The following DLGAP2 variants were observed in gnomAD, a reference collection of about 807,000 sequenced individuals.
The protein encoded by DLGAP2 is disks large-associated protein 2.
DLGAP2 carries 26 observed loss-of-function variants against 100.3 expected under a neutral mutation model. That is an observed-to-expected ratio of 0.26 (90% confidence interval 0.19 to 0.36). The LOEUF is 0.36. DLGAP2 is among the 10% of genes least tolerant of loss of function. DLGAP2 has a pLI of 1.00. For synonymous variants in DLGAP2, 886 were observed against 630.1 expected (o/e 1.41, Z -6.08); for missense variants, 1,858 against 1,453.2 (o/e 1.28, Z -4.53).
chr8:1,254,951 T>C lies in DLGAP2; in HGVS notation c.74-3900T>C, dbSNP rs930825995. ...TGTGTGCCCTCTCCTGCCCGGGTGC[T>C]GTGTGTGTGTCCTCTCATCCTGTCC... On this transcript the variant is annotated intron_variant, in intron 2 of 14. Coordinates refer to ENST00000637795, the MANE Select transcript of DLGAP2 (RefSeq NM_001346810.2). 1.9e-3 allele frequency among the ~76,000 whole-genome samples: 278 copies of C among 142,978 alleles called. 6 individuals carry two copies. Among genetic ancestry groups the C allele is most frequent in the Middle Eastern group, 7.0e-3 (2 of 284 alleles). The allele number at this position is 142,978 out of a possible 152,430, so 93.8% of individuals were successfully genotyped here.
chr8:1,541,191 C>G (rs1440193082), intron 4 of DLGAP2, among the ~76,000 whole-genome samples: 3 of 152,238 alleles, frequency 2.0e-5, no homozygotes, highest in African/African-American at 7.2e-5. Flanking sequence ...CACTGAGCCC[C>G]TAATGCACAC....
At chr8:1,547,417 G>T (rs10112065) in intron 4 of DLGAP2, among the ~76,000 whole-genome samples, 69,358 of 151,146 alleles carry the variant, frequency 0.46, 16,027 homozygotes, top group East Asian at 0.57. Context: ...TGGAGGCAGG[G>T]GGAGAGGGAG....
At chr8:1,263,680 TA>T (rs1163274381) in intron 3 of DLGAP2, among the ~76,000 whole-genome samples, 4 of 152,206 alleles carry the variant, frequency 2.6e-5, no homozygotes, top group Non-Finnish European at 4.4e-5. Context: ...TAAGACCTCT[TA>T]ACAATTCTGG....
At chr8:1,241,830 A>C (rs1006041746) in intron 2 of DLGAP2, among the ~76,000 whole-genome samples, 3 of 152,142 alleles carry the variant, frequency 2.0e-5, no homozygotes, top group Non-Finnish European at 2.9e-5. Context: ...CTTAAATCTT[A>C]TGAGTTAATT....
chr8:1,414,607 C>T (rs1003346419), intron 3 of DLGAP2, among the ~76,000 whole-genome samples: 3 of 152,202 alleles, frequency 2.0e-5, no homozygotes, highest in African/African-American at 4.8e-5. Context: ...AGGGACTGAG[C>T]GGAGCTGCCC....
chr8:1,010,141 C>T (rs913648173), intron 2 of DLGAP2, among the ~76,000 whole-genome samples: 1 of 152,258 alleles, frequency 6.6e-6, no homozygotes, highest in Non-Finnish European at 1.5e-5. Flanking sequence ...AGCTACTTAA[C>T]TACATATATG....
chr8:1,219,123 G>C (rs1194629544), intron 2 of DLGAP2, among the ~76,000 whole-genome samples: 2 of 152,084 alleles, frequency 1.3e-5, no homozygotes, highest in Non-Finnish European at 2.9e-5. Context: ...TGTTTCTCTT[G>C]CCTGACTGCT....
At chr8:1,584,180 G>T (rs138225001) in intron 6 of DLGAP2, among the ~76,000 whole-genome samples, 4 of 152,080 alleles carry the variant, frequency 2.6e-5, no homozygotes, top group African/African-American at 9.7e-5. Flanking sequence ...TAAAACCATC[G>T]TCTTATGACT....
intron 3 of DLGAP2, among the ~76,000 whole-genome samples, chr8:1,331,760 C>T (rs931498147): frequency 1.3e-5 from 2 of 152,210 alleles, no homozygotes; most frequent in Non-Finnish European, 2.9e-5. Flanking sequence ...ATGGGCTGGG[C>T]ACACCTTCTC....
chr8:759,573 C>G (rs1399287146), intron 1 of DLGAP2, among the ~76,000 whole-genome samples: 1 of 150,188 alleles, frequency 6.7e-6, no homozygotes, highest in African/African-American at 2.5e-5. Context: ...ACTCCAGAGT[C>G]CACGGTTGAT....
chr8:1,206,843 A>G (rs2116775178), intron 2 of DLGAP2, among the ~76,000 whole-genome samples: 2 of 152,304 alleles, frequency 1.3e-5, no homozygotes, highest in South Asian at 4.1e-4. Flanking sequence ...TCGCTGACAC[A>G]GCAAGGTTTT....
intron 1 of DLGAP2, among the ~76,000 whole-genome samples, chr8:849,058 C>A (rs1017261437): frequency 6.6e-6 from 1 of 151,386 alleles, no homozygotes; most frequent in African/African-American, 2.4e-5. Context: ...TAGGATGTGC[C>A]GTGTCTGTTC....
chr8:1,693,560 AG>A (rs1412230652), intron 13 of DLGAP2, among the ~76,000 whole-genome samples: 1 of 152,204 alleles, frequency 6.6e-6, no homozygotes, highest in Non-Finnish European at 1.5e-5. Context: ...CAATGGTGCC[AG>A]GTGTTTTGAT....
At chr8:1,211,386 A>T (rs1196793395) in intron 2 of DLGAP2, among the ~76,000 whole-genome samples, 1 of 152,236 alleles carries the variant, frequency 6.6e-6, no homozygotes, top group Admixed American at 6.5e-5. Flanking sequence ...AGATGCACAG[A>T]AAAACAACTT....
intron 2 of DLGAP2, among the ~76,000 whole-genome samples, chr8:1,170,509 G>A (rs368552464): frequency 6.6e-6 from 1 of 151,552 alleles, no homozygotes; most frequent in South Asian, 2.1e-4. Context: ...AATCCATCTG[G>A]TCCTGGACTC....
At chr8:773,161 A>G (rs1821411937) in intron 1 of DLGAP2, among the ~76,000 whole-genome samples, 1 of 152,102 alleles carries the variant, frequency 6.6e-6, no homozygotes, top group African/African-American at 2.4e-5. Flanking sequence ...GTGAATCCCC[A>G]GTCAATGCGT....
chr8:995,785 G>T (rs1224407638), intron 2 of DLGAP2, among the ~76,000 whole-genome samples: 1 of 152,076 alleles, frequency 6.6e-6, no homozygotes, highest in East Asian at 1.9e-4. Flanking sequence ...CATAAATTAG[G>T]TTCCCCCTGT....
intron 1 of DLGAP2, among the ~76,000 whole-genome samples, chr8:871,355 T>G (rs1014006073): frequency 6.6e-6 from 1 of 152,234 alleles, no homozygotes; most frequent in African/African-American, 2.4e-5. Context: ...ATTTGCACTT[T>G]GGGTTACTTT....
intron 2 of DLGAP2, among the ~76,000 whole-genome samples, chr8:1,160,434 C>T (rs967761536): frequency 6.6e-6 from 1 of 152,158 alleles, no homozygotes; most frequent in Non-Finnish European, 1.5e-5. Context: ...TGCACGTGTG[C>T]ATAATTTTCT....
Sources: gnomAD v4.1 joint callset for allele counts (sites outside exome capture counted in the v4.1 genomes callset) on GRCh38, gnomAD v4.1.1 for gene constraint, MANE v1.5 for transcripts, NCBI Gene and HGNC (gene_info 2026-07-23, HGNC 2026-07-21) for gene names.